Variants in REDIC1 observed in about 807,000 individuals in gnomAD.
The protein encoded by REDIC1 is regulator of DNA class I crossover intermediates 1, also known as HEI10 Interacting Protein 1.
the REDIC1 span, chr12:39,641,077 T>C: frequency 2.8e-6 from 3 of 1,075,474 alleles, no homozygotes; most frequent in South Asian, 4.2e-5. Context: ...TACATTCACC[T>C]AAGTGAAACT....
chr12:39,718,320 G>T, the REDIC1 span, among the ~76,000 whole-genome samples: 386 of 152,174 alleles, frequency 2.5e-3, 1 homozygote, highest in African/African-American at 8.4e-3. Flanking sequence ...GATGCCTTCG[G>T]TGTTGAACTG....
chr12:39,805,308 A>G, the REDIC1 span, among the ~76,000 whole-genome samples: 1 of 152,180 alleles, frequency 6.6e-6, no homozygotes, highest in African/African-American at 2.4e-5. Flanking sequence ...TCTGCTTTGC[A>G]GGGAGAGGCA....
the REDIC1 span, among the ~76,000 whole-genome samples, chr12:39,877,273 C>T: frequency 6.6e-6 from 1 of 151,934 alleles, no homozygotes; most frequent in Non-Finnish European, 1.5e-5. Flanking sequence ...TGGTGGAAGG[C>T]AAAGGAGAGC....
At chr12:39,687,427 A>G in the REDIC1 span, among the ~76,000 whole-genome samples, 1 of 152,166 alleles carries the variant, frequency 6.6e-6, no homozygotes, top group Non-Finnish European at 1.5e-5. Context: ...TTATGGTGGA[A>G]GGTGAAGCAG....
chr12:39,629,070 A>G, the REDIC1 span, among the ~76,000 whole-genome samples: 3 of 152,236 alleles, frequency 2.0e-5, no homozygotes, highest in Non-Finnish European at 4.4e-5. Flanking sequence ...AATGAGAAAC[A>G]GGAAGTTACA....
chr12:39,896,794 T>C, the REDIC1 span, among the ~76,000 whole-genome samples: 2 of 152,110 alleles, frequency 1.3e-5, no homozygotes, highest in Admixed American at 6.5e-5. Flanking sequence ...AAGTTGCATA[T>C]ATTTAAGTGA....
chr12:39,630,569 G>A, the REDIC1 span, among the ~76,000 whole-genome samples: 6 of 152,164 alleles, frequency 3.9e-5, no homozygotes, highest in Admixed American at 3.9e-4. Context: ...TAGTGTATTG[G>A]GGAAGAAAAG....
the REDIC1 span, among the ~76,000 whole-genome samples, chr12:39,823,503 T>C: frequency 6.6e-6 from 1 of 152,236 alleles, no homozygotes; most frequent in Non-Finnish European, 1.5e-5. Flanking sequence ...AGTTTTGTAA[T>C]ACATTTGGTC....
chr12:39,677,273 A>C, the REDIC1 span, among the ~76,000 whole-genome samples: 1 of 152,166 alleles, frequency 6.6e-6, no homozygotes, highest in Non-Finnish European at 1.5e-5. Flanking sequence ...AACAGAAACC[A>C]AAAGCGAGCA....
At chr12:39,741,951 G>T in the REDIC1 span, among the ~76,000 whole-genome samples, 15,414 of 152,212 alleles carry the variant, frequency 0.1, 931 homozygotes, top group Middle Eastern at 0.14. Flanking sequence ...CATGGCTTAG[G>T]TCTTGTTTGT....
the REDIC1 span, among the ~76,000 whole-genome samples, chr12:39,803,204 C>CAAA: frequency 0.011 from 785 of 73,692 alleles, 5 homozygotes; most frequent in African/African-American, 0.016. Context: ...GAAGCAAATG[C>CAAA]AAAAAAAAAA....
chr12:39,768,930 T>C, the REDIC1 span, among the ~76,000 whole-genome samples: 1 of 152,082 alleles, frequency 6.6e-6, no homozygotes, highest in Non-Finnish European at 1.5e-5. Context: ...GCAAACACAA[T>C]AAAATGAAGT....
At chr12:39,880,427 G>A in the REDIC1 span, among the ~76,000 whole-genome samples, 2 of 152,056 alleles carry the variant, frequency 1.3e-5, no homozygotes, top group African/African-American at 2.4e-5. Flanking sequence ...ATTATAACAT[G>A]CAAGACATAA....
chr12:39,677,303 C>G, the REDIC1 span, among the ~76,000 whole-genome samples: 31 of 152,138 alleles, frequency 2.0e-4, no homozygotes, highest in East Asian at 4.8e-3. Context: ...ATTCTTATAT[C>G]ATACAAAACA....
chr12:39,822,987 G>A, the REDIC1 span, among the ~76,000 whole-genome samples: 10 of 152,062 alleles, frequency 6.6e-5, no homozygotes, highest in South Asian at 2.1e-4. Context: ...AATAGTATCC[G>A]AGTCTGCAAT....
At chr12:39,846,324 C>T in the REDIC1 span, among the ~76,000 whole-genome samples, 2 of 152,164 alleles carry the variant, frequency 1.3e-5, no homozygotes, top group Non-Finnish European at 2.9e-5. Flanking sequence ...AGGAGCATCA[C>T]ATTTTAATTG....
At chr12:39,762,953 G>A in the REDIC1 span, among the ~76,000 whole-genome samples, 1 of 151,978 alleles carries the variant, frequency 6.6e-6, no homozygotes, top group African/African-American at 2.4e-5. Context: ...ATAAATTCAA[G>A]AAAGAGGAGC....
chr12:39,689,104 C>T, the REDIC1 span, among the ~76,000 whole-genome samples: 7 of 152,066 alleles, frequency 4.6e-5, no homozygotes, highest in South Asian at 6.2e-4. Flanking sequence ...ATGAAATGTT[C>T]GGAGAAGTGA....
chr12:39,862,969 G>A, the REDIC1 span, among the ~76,000 whole-genome samples: 6 of 152,068 alleles, frequency 3.9e-5, no homozygotes, highest in Non-Finnish European at 5.9e-5. Context: ...CCCAGTAAGC[G>A]GACTGCAGCC....
Sources: allele counts gnomAD v4.1 joint callset (sites outside exome capture counted in the v4.1 genomes callset), GRCh38; gene constraint gnomAD v4.1.1; transcripts MANE v1.5; gene names NCBI Gene and HGNC (gene_info 2026-07-23, HGNC 2026-07-21).